The following EXOC2 variants were observed in gnomAD, a reference collection of about 807,000 sequenced individuals.
EXOC2 encodes the protein SEC5-like 1.
A neutral mutation model predicts 131.8 loss-of-function variants in EXOC2; 70 were observed. That is an observed-to-expected ratio of 0.53 (90% confidence interval 0.44 to 0.65). The LOEUF is 0.65. EXOC2 is among the 30% of genes least tolerant of loss of function. The pLI is 0.00. For synonymous variants in EXOC2, 411 were observed against 398.4 expected (o/e 1.03, Z -0.38); for missense variants, 923 against 1,108.6 (o/e 0.83, Z 2.38).
intron 6 of EXOC2, among the ~76,000 whole-genome samples, chr6:613,297 A>C (rs759064276): frequency 5.3e-5 from 8 of 152,232 alleles, no homozygotes; most frequent in Non-Finnish European, 1.0e-4. Flanking sequence ...CACAGGAAGA[A>C]ACAAAACCGA....
rs575793916 is a variant in EXOC2, at chr6:616,374, C to T, written c.661+1337G>A. Among the ~76,000 whole-genome samples, 130 of 152,144 alleles carry T rather than the reference C, an allele frequency of 8.5e-4. 1 individual carries two copies. Among genetic ancestry groups the T allele is most frequent in the African/African-American group, 3.0e-3 (126 of 41,528 alleles). On this transcript the variant is annotated intron_variant, in intron 6 of 27. Transcript: ENST00000230449. ...ATCCCAGCACTTTGGGAGGCCGAGGCGGGCGGATCACGAGGTCAGGAGATC... is the reference window on the plus strand; with the variant it reads ...ATCCCAGCACTTTGGGAGGCCGAGGTGGGCGGATCACGAGGTCAGGAGATC...
chr6:539,096 A>G lies in EXOC2; in HGVS notation c.2239-6486T>C, dbSNP rs554748809. Among the ~76,000 whole-genome samples, 5 of 151,940 alleles carry G rather than the reference A, an allele frequency of 3.3e-5. No individual in the cohort carries two copies. The South Asian group carries it at 6.2e-4, about 19-fold the overall frequency. The stretch of plus-strand genomic sequence containing the variant: ...AGAAAAAAAAAAAAAAGAAAATATC[A>G]TAAGTAGAAAATGCGCTTACGATAT... On this transcript the variant is annotated intron_variant, in intron 22 of 27. Transcript: ENST00000230449.
chr6:563,375 T>C (rs1757801111), intron 16 of EXOC2, among the ~76,000 whole-genome samples: 1 of 152,244 alleles, frequency 6.6e-6, no homozygotes, highest in Non-Finnish European at 1.5e-5. Flanking sequence ...ACTTCTCACC[T>C]GGGTTCCATT....
At chr6:535,020 A>G (rs1766355183) in intron 22 of EXOC2, among the ~76,000 whole-genome samples, 1 of 152,238 alleles carries the variant, frequency 6.6e-6, no homozygotes, top group African/African-American at 2.4e-5. Flanking sequence ...AAATGTTTTA[A>G]AAGAAAAGTT....
At chr6:616,329 C>A (rs930521222) in intron 6 of EXOC2, among the ~76,000 whole-genome samples, 1 of 152,180 alleles carries the variant, frequency 6.6e-6, no homozygotes. Context: ...TTCTGCCGGG[C>A]GCGGTGGCTC....
At chr6:663,836 G>C (rs1763520367) in intron 1 of EXOC2, among the ~76,000 whole-genome samples, 1 of 152,180 alleles carries the variant, frequency 6.6e-6, no homozygotes, top group African/African-American at 2.4e-5. Context: ...ACATAATACT[G>C]AATGGGGAAA....
At chr6:548,728 A>G (rs538984614) in intron 22 of EXOC2, among the ~76,000 whole-genome samples, 33 of 152,340 alleles carry the variant, frequency 2.2e-4, no homozygotes, top group African/African-American at 7.7e-4. Context: ...GAGGTCATAC[A>G]GAAAGGGAGA....
chr6:591,106 C>T (rs1188356677), intron 11 of EXOC2, among the ~76,000 whole-genome samples: 1 of 152,194 alleles, frequency 6.6e-6, no homozygotes, highest in Non-Finnish European at 1.5e-5. Flanking sequence ...GCCCTGGAGT[C>T]CATGCTCTTC....
At chr6:529,694 A>G (rs1228807968) in intron 23 of EXOC2, among the ~76,000 whole-genome samples, 1 of 152,192 alleles carries the variant, frequency 6.6e-6, no homozygotes, top group Admixed American at 6.5e-5. Flanking sequence ...GAATCACAGG[A>G]AAAGATATGA....
At chr6:657,692 C>T (rs942165167) in intron 1 of EXOC2, among the ~76,000 whole-genome samples, 2 of 151,472 alleles carry the variant, frequency 1.3e-5, no homozygotes, top group Admixed American at 1.3e-4. Flanking sequence ...CTGCAGAAAG[C>T]TACATGAACA....
chr6:633,155 C>A, intron 2 of EXOC2, 38 bp from the exon 3 acceptor site: 1 of 1,600,728 alleles, frequency 6.2e-7, no homozygotes, highest in Non-Finnish European at 8.5e-7. Flanking sequence ...AATTCAAAGA[C>A]AAGAACAATA....
chr6:678,118 A>C (rs1316413698), intron 1 of EXOC2, among the ~76,000 whole-genome samples: 1 of 152,222 alleles, frequency 6.6e-6, no homozygotes, highest in African/African-American at 2.4e-5. Flanking sequence ...GTTTTTAATC[A>C]GTGCAAAGTG....
At chr6:615,725 A>G (rs1284305087) in intron 6 of EXOC2, among the ~76,000 whole-genome samples, 10 of 84,624 alleles carry the variant, frequency 1.2e-4, no homozygotes. Context: ...ATCTCAAAAG[A>G]AAAAAAAAAA....
At chr6:637,885 G>T in intron 1 of EXOC2, 24 bp from the exon 2 acceptor site, 3 of 1,419,054 alleles carry the variant, frequency 2.1e-6, no homozygotes, top group South Asian at 1.2e-5. Context: ...AAGAAAAAAG[G>T]ATTAGTACCA....
intron 1 of EXOC2, among the ~76,000 whole-genome samples, chr6:658,241 TC>T (rs1763230639): frequency 6.6e-6 from 1 of 152,210 alleles, no homozygotes; most frequent in South Asian, 2.1e-4. Context: ...CTATATTTTC[TC>T]CCACTGCCCT....
chr6:500,111 C>T (rs1763957746), intron 23 of EXOC2, among the ~76,000 whole-genome samples: 1 of 152,098 alleles, frequency 6.6e-6, no homozygotes, highest in African/African-American at 2.4e-5. Flanking sequence ...AACACACACA[C>T]ACACTCAGTA....
At chr6:686,110 C>T (rs7765892) in intron 1 of EXOC2, among the ~76,000 whole-genome samples, 85,302 of 151,270 alleles carry the variant, frequency 0.56, 24,861 homozygotes, top group East Asian at 0.79. Context: ...TACAGGCATG[C>T]GCCACCATGC....
intron 17 of EXOC2, 152 bp from the exon 18 acceptor site, chr6:556,716 G>A (rs1254909855): frequency 6.4e-6 from 5 of 776,738 alleles, no homozygotes; most frequent in African/African-American, 1.7e-5. Flanking sequence ...CCTAGTCATT[G>A]AGTTTCAGAG....
chr6:690,096 C>G (rs1005511400), intron 1 of EXOC2, among the ~76,000 whole-genome samples: 7 of 152,192 alleles, frequency 4.6e-5, no homozygotes. Context: ...GTGGGTCACA[C>G]CTATAGTCCC....
Sources: gnomAD v4.1 joint callset for allele counts (sites outside exome capture counted in the v4.1 genomes callset) on GRCh38, gnomAD v4.1.1 for gene constraint, MANE v1.5 for transcripts, NCBI Gene and HGNC (gene_info 2026-07-23, HGNC 2026-07-21) for gene names.